Variants in DPH6 observed in about 807,000 individuals in gnomAD.
DPH6 encodes diphthine--ammonia ligase.
In DPH6, 33 loss-of-function variants were observed where a neutral mutation model predicts 38.2. The observed-to-expected ratio is 0.86, with a 90% CI of 0.65 to 1.15. DPH6 has a LOEUF of 1.15. Among genes scored for constraint, DPH6 ranks in the 50% most tolerant of loss-of-function variants. The probability of loss-of-function intolerance (pLI) is 0.00; values close to 1 mark genes in which losing one functional copy is unlikely to be tolerated. For missense variants in DPH6, 325 were observed against 320.0 expected (o/e 1.02, Z -0.12); for synonymous variants, 108 against 103.0 (o/e 1.05, Z -0.30).
chr15:35,300,436 C>T (rs930802536), intron 3 of DPH6, among the ~76,000 whole-genome samples: 3 of 152,070 alleles, frequency 2.0e-5, no homozygotes, highest in South Asian at 2.1e-4. Flanking sequence ...GAAGGTAGCT[C>T]GGGTTATGAT....
chr15:35,249,494 A>AAC (rs1231171625), intron 3 of DPH6, among the ~76,000 whole-genome samples: 1 of 152,200 alleles, frequency 6.6e-6, no homozygotes, highest in Non-Finnish European at 1.5e-5. Context: ...TCCTGGGGGT[A>AAC]ACACAGGCAT....
intron 7 of DPH6, among the ~76,000 whole-genome samples, chr15:35,376,152 C>T (rs907350959): frequency 7.2e-5 from 11 of 152,138 alleles, no homozygotes; most frequent in East Asian, 1.9e-4. Context: ...TGCCTTTCTT[C>T]GGGGAGAGGA....
chr15:35,160,132 A>G, the DPH6 span, among the ~76,000 whole-genome samples: 1 of 151,990 alleles, frequency 6.6e-6, no homozygotes, highest in Non-Finnish European at 1.5e-5. Flanking sequence ...CGTACTCAAC[A>G]TCATGCAATA....
chr15:35,280,435 G>A (rs1195060205), intron 3 of DPH6, among the ~76,000 whole-genome samples: 2 of 152,166 alleles, frequency 1.3e-5, no homozygotes, highest in East Asian at 3.8e-4. Flanking sequence ...TGGAAGAGAA[G>A]TGATTTAAGC....
At chr15:35,393,833 A>T (rs1354265670) in intron 6 of DPH6, among the ~76,000 whole-genome samples, 2 of 152,192 alleles carry the variant, frequency 1.3e-5, no homozygotes, top group Non-Finnish European at 2.9e-5. Flanking sequence ...AGGATTGAGG[A>T]AAGTTAAAAA....
At chr15:35,504,324 T>A (rs2054666396) in intron 3 of DPH6, among the ~76,000 whole-genome samples, 1 of 151,966 alleles carries the variant, frequency 6.6e-6, no homozygotes, top group Non-Finnish European at 1.5e-5. Flanking sequence ...ATGTGCCATG[T>A]TTTGTCCCAT....
chr15:35,183,445 C>A, the DPH6 span, among the ~76,000 whole-genome samples: 1 of 152,248 alleles, frequency 6.6e-6, no homozygotes, highest in South Asian at 2.1e-4. Flanking sequence ...ATAATAGTGT[C>A]TAAAAGGACC....
At chr15:35,499,770 T>C (rs1469335378) in intron 3 of DPH6, among the ~76,000 whole-genome samples, 1 of 152,230 alleles carries the variant, frequency 6.6e-6, no homozygotes, top group African/African-American at 2.4e-5. Context: ...TATCGCTTTC[T>C]GGCCACTGTG....
intron 3 of DPH6, among the ~76,000 whole-genome samples, chr15:35,467,316 G>A (rs2054139029): frequency 1.3e-5 from 2 of 152,124 alleles, no homozygotes; most frequent in African/African-American, 4.8e-5. Flanking sequence ...CGTAATCCCA[G>A]CACTTTGGGA....
intron 3 of DPH6, among the ~76,000 whole-genome samples, chr15:35,280,295 C>A (rs745782059): frequency 6.6e-6 from 1 of 152,166 alleles, no homozygotes; most frequent in Admixed American, 6.5e-5. Flanking sequence ...TAATACATTT[C>A]CTACTGTTGA....
At chr15:35,418,340 T>C (rs1225863878) in intron 5 of DPH6, among the ~76,000 whole-genome samples, 1 of 152,178 alleles carries the variant, frequency 6.6e-6, no homozygotes, top group Non-Finnish European at 1.5e-5. Flanking sequence ...TTAAAGTACA[T>C]TTTAACTCTA....
At chr15:35,306,365 A>G (rs1431873657) in intron 3 of DPH6, among the ~76,000 whole-genome samples, 2 of 152,168 alleles carry the variant, frequency 1.3e-5, no homozygotes, top group East Asian at 3.9e-4. Context: ...GAACTGCACC[A>G]TGCATCCTCA....
intron 3 of DPH6, among the ~76,000 whole-genome samples, chr15:35,323,678 GT>G (rs1363820110): frequency 6.6e-6 from 1 of 152,116 alleles, no homozygotes; most frequent in Non-Finnish European, 1.5e-5. Flanking sequence ...AAGGATTAAT[GT>G]TCTAAAGTTA....
chr15:35,165,095 C>T, the DPH6 span, among the ~76,000 whole-genome samples: 4 of 151,778 alleles, frequency 2.6e-5, no homozygotes, highest in African/African-American at 7.3e-5. Flanking sequence ...GCTCTACTGG[C>T]CTTCTTCTAG....
chr15:35,528,583 A>C (rs1012740802), intron 3 of DPH6, among the ~76,000 whole-genome samples: 4 of 151,994 alleles, frequency 2.6e-5, no homozygotes, highest in Non-Finnish European at 5.9e-5. Context: ...TCAGATACCT[A>C]GTATCTTAGT....
intron 3 of DPH6, among the ~76,000 whole-genome samples, chr15:35,469,957 G>T (rs939438627): frequency 6.6e-6 from 1 of 152,148 alleles, no homozygotes; most frequent in African/African-American, 2.4e-5. Context: ...CAGCACTTTG[G>T]GAGGCTGAGG....
At chr15:35,389,067 A>C (rs1441648786) in intron 6 of DPH6, among the ~76,000 whole-genome samples, 3 of 151,946 alleles carry the variant, frequency 2.0e-5, no homozygotes, top group Non-Finnish European at 2.9e-5. Context: ...GTTTCAAAGA[A>C]ATCTTTATTT....
intron 3 of DPH6, among the ~76,000 whole-genome samples, chr15:35,287,886 T>C (rs1395210584): frequency 6.6e-6 from 1 of 152,184 alleles, no homozygotes; most frequent in Non-Finnish European, 1.5e-5. Context: ...AAATGATAAA[T>C]AACATAACCT....
chr15:35,226,785 T>C (rs1395672799), intron 3 of DPH6, among the ~76,000 whole-genome samples: 3 of 152,220 alleles, frequency 2.0e-5, no homozygotes, highest in South Asian at 2.1e-4. Context: ...AACGCAATAC[T>C]GATCAAAATA....
Sources: gnomAD v4.1 joint callset for allele counts (sites outside exome capture counted in the v4.1 genomes callset) on GRCh38, gnomAD v4.1.1 for gene constraint, MANE v1.5 for transcripts, NCBI Gene and HGNC (gene_info 2026-07-23, HGNC 2026-07-21) for gene names.